Variants in SP140 observed in about 807,000 individuals in gnomAD.
The protein encoded by SP140 is SP140 nuclear body protein, also known as nuclear body protein SP140.
SP140 carries 81 observed loss-of-function variants against 125.0 expected under a neutral mutation model. The observed-to-expected ratio is 0.65, with a 90% CI of 0.54 to 0.78. SP140 has a LOEUF of 0.78. Ranked by LOEUF, SP140 falls within the 30% of genes least tolerant of loss-of-function variation. The pLI is 0.00. For synonymous variants in SP140, 312 were observed against 354.0 expected, an observed-to-expected ratio of 0.88 and a Z score of 1.33; for missense variants, 858 against 1,037.0, an observed-to-expected ratio of 0.83 and a Z score of 2.37.
intron 1 of SP140, among the ~76,000 whole-genome samples, chr2:230,228,379 C>T (rs762319029): frequency 2.6e-5 from 4 of 152,124 alleles, no homozygotes; most frequent in Non-Finnish European, 5.9e-5. Flanking sequence ...AAATGGAGTA[C>T]CGTATAAGTG....
intron 22 of SP140, among the ~76,000 whole-genome samples, chr2:230,307,720 C>CCCATG (rs2058894698): frequency 6.6e-6 from 1 of 152,066 alleles, no homozygotes; most frequent in South Asian, 2.1e-4. Flanking sequence ...CCTGACCTGC[C>CCCATG]CCATGGCAGG....
chr2:230,310,388 G>A (rs563072287), intron 23 of SP140: 21 of 491,490 alleles, frequency 4.3e-5, no homozygotes, highest in South Asian at 3.0e-4. Context: ...CAGGAAGCAC[G>A]ATCTCATTGG....
At chr2:230,250,925 G>A (rs1575014362) in intron 9 of SP140, 56 bp from the exon 10 acceptor site, 18 of 1,595,044 alleles carry the variant, frequency 1.1e-5, no homozygotes, top group Middle Eastern at 1.7e-4. Context: ...AGCTTCCCAC[G>A]TCTTCACTAA....
At chr2:230,250,164 A>C (rs1559256004) in intron 9 of SP140, among the ~76,000 whole-genome samples, 1 of 152,194 alleles carries the variant, frequency 6.6e-6, no homozygotes, top group Non-Finnish European at 1.5e-5. Context: ...TTGCTCTTCT[A>C]CTCATCAGAC....
intron 10 of SP140, among the ~76,000 whole-genome samples, chr2:230,252,401 G>A (rs894721859): frequency 1.3e-5 from 2 of 152,026 alleles, no homozygotes; most frequent in African/African-American, 4.8e-5. Context: ...GTGGGGCAAG[G>A]ACATAAAGCA....
intron 11 of SP140, among the ~76,000 whole-genome samples, chr2:230,254,744 G>T (rs1048434576): frequency 5.9e-5 from 9 of 152,190 alleles, no homozygotes; most frequent in African/African-American, 2.2e-4. Flanking sequence ...GATCTTTGTT[G>T]CACAGGATTA....
intron 12 of SP140, among the ~76,000 whole-genome samples, chr2:230,262,905 T>C (rs2052507081): frequency 6.6e-6 from 1 of 152,188 alleles, no homozygotes; most frequent in Admixed American, 6.5e-5. Context: ...GAAAGTTCCA[T>C]GCACTGTTAA....
In SP140 at chr2:230,208,210, G is replaced by A. The variant is rs535962988; in HGVS notation, c.-323+4931G>A. 1.6e-4 allele frequency: 100 copies of A among 613,112 alleles called. No individual in the cohort carries two copies. In the South Asian group the frequency reaches 1.9e-3, roughly 12 times the overall value. 38.0% of individuals were successfully genotyped at this position (613,112 alleles called of 1,614,324 possible). A position where few individuals can be genotyped will look rare whatever the true frequency, so the allele number is the denominator to read the frequency against. On this transcript the variant is annotated intron_variant, in intron 1 of 4. Transcript: ENST00000456542. ...TGATGGTACTTCAGGGAGTAATAGG[G>A]GAAGAAGGACTCTAAAATGACAGAG...
At chr2:230,283,821 C>T (rs960659162) in intron 15 of SP140, among the ~76,000 whole-genome samples, 6 of 152,204 alleles carry the variant, frequency 3.9e-5, no homozygotes, top group East Asian at 1.9e-4. Context: ...TGCTCTGCAG[C>T]CTGAAGGAGG....
At chr2:230,270,896 A>G (rs1212360311) in intron 15 of SP140, 1 of 529,760 alleles carries the variant, frequency 1.9e-6, no homozygotes, top group African/African-American at 1.9e-5. Context: ...TGGGGTGGGC[A>G]CAATCTAATC....
intron 7 of SP140, among the ~76,000 whole-genome samples, chr2:230,246,709 TAGAG>T (rs2049505091): frequency 2.0e-5 from 3 of 152,086 alleles, no homozygotes; most frequent in East Asian, 3.9e-4. Flanking sequence ...GAAAGCTAAT[TAGAG>T]AGAACAGATA....
At chr2:230,225,218 A>T (rs1319205048), upstream of SP140, among the ~76,000 whole-genome samples, 1 of 152,138 alleles carries the variant, frequency 6.6e-6, no homozygotes, top group Admixed American at 6.5e-5. Context: ...TTAGAATTGC[A>T]CCTCATTTCT....
intron 4 of SP140, 64 bp from the exon 5 acceptor site, chr2:230,243,667 T>C (rs1160218555): frequency 7.6e-7 from 1 of 1,316,536 alleles, no homozygotes; most frequent in African/African-American, 1.5e-5. Flanking sequence ...TTATTTGTTT[T>C]CTTGTTTTGA....
At chr2:230,232,429 T>C (rs2047395544) in intron 1 of SP140, among the ~76,000 whole-genome samples, 2 of 152,238 alleles carry the variant, frequency 1.3e-5, no homozygotes, top group South Asian at 4.1e-4. Flanking sequence ...ATTTGAGAGA[T>C]AGAAGAAAAG....
chr2:230,209,953 G>A (rs1303679112), intron 1 of SP140: 7 of 1,607,660 alleles, frequency 4.4e-6, no homozygotes, highest in Non-Finnish European at 5.1e-6. Context: ...AAGGTGTGCT[G>A]GACACCTCCT....
At chr2:230,249,030 A>G (rs947666552) in intron 9 of SP140, 62 bp downstream of exon 9, 7 of 1,375,048 alleles carry the variant, frequency 5.1e-6, no homozygotes, top group Non-Finnish European at 7.2e-6. Context: ...TGGCATGGAA[A>G]AAAAGTTTCC....
In SP140 at chr2:230,312,938, C is replaced by G; in HGVS notation, c.*254C>G. 2.7e-6 allele frequency: 1 copy of G among 377,200 alleles called. No individual in the cohort carries two copies. The highest frequency in any genetic ancestry group is 4.9e-6 in the Non-Finnish European group (1 of 205,846). 23.4% of individuals were successfully genotyped at this position (377,200 alleles called of 1,614,324 possible). A position where few individuals can be genotyped will look rare whatever the true frequency, so the allele number is the denominator to read the frequency against. ...GAAGGATGTTGGCAGCGACACCATC[C>G]CATACAGGCTCTTACCTCTTCTCCT... On this transcript the variant is annotated 3_prime_UTR_variant, in exon 27 of 27. Coordinates refer to ENST00000392045, the MANE Select transcript of SP140 (RefSeq NM_007237.5).
intron 11 of SP140, 48 bp from the exon 12 acceptor site, chr2:230,255,404 T>G: frequency 6.3e-7 from 1 of 1,598,992 alleles, no homozygotes; most frequent in Non-Finnish European, 8.6e-7. Context: ...CATGATTTTT[T>G]GTTGGTTGTA....
upstream of SP140, among the ~76,000 whole-genome samples, chr2:230,202,110 T>C (rs574513502): frequency 2.7e-3 from 417 of 152,352 alleles, 1 homozygote; most frequent in African/African-American, 9.2e-3. Flanking sequence ...GTCACTCTTT[T>C]CACTAATTTT....
Sources: allele counts gnomAD v4.1 joint callset (sites outside exome capture counted in the v4.1 genomes callset), GRCh38; gene constraint gnomAD v4.1.1; transcripts MANE v1.5; gene names NCBI Gene and HGNC (gene_info 2026-07-23, HGNC 2026-07-21).